GRIK2: variants seen among roughly 807,000 people sequenced by gnomAD.
GRIK2 encodes glutamate ionotropic receptor kainate type subunit 2.
Under a neutral mutation model 100.3 loss-of-function variants are expected in GRIK2, and 32 were observed. The ratio of observed to expected loss-of-function variants is 0.32; its 90% CI spans 0.24 to 0.43. The LOEUF is 0.43. Ranked by LOEUF, GRIK2 falls within the 20% of genes least tolerant of loss-of-function variation. GRIK2 has a pLI of 1.00. For missense variants in GRIK2, 843 were observed against 1,114.9 expected, an observed-to-expected ratio of 0.76 and a Z score of 3.47; for synonymous variants, 417 against 389.4, an observed-to-expected ratio of 1.07 and a Z score of -0.83.
intron 16 of GRIK2, among the ~76,000 whole-genome samples, chr6:102,063,155 C>A (rs947668329): frequency 3.3e-5 from 5 of 150,538 alleles, no homozygotes; most frequent in Non-Finnish European, 7.5e-5. Context: ...ACAATAGTAT[C>A]TTATAGATAC....
chr6:101,924,950 TC>T (rs1345222694), intron 13 of GRIK2, among the ~76,000 whole-genome samples: 1 of 152,192 alleles, frequency 6.6e-6, no homozygotes, highest in African/African-American at 2.4e-5. Flanking sequence ...TCTATTTTTT[TC>T]CTTAACCTAC....
chr6:101,620,470 A>T (rs1236265205), intron 2 of GRIK2, among the ~76,000 whole-genome samples: 1 of 152,044 alleles, frequency 6.6e-6, no homozygotes, highest in African/African-American at 2.4e-5. Flanking sequence ...CCTGAATGTA[A>T]ATTTGCCTCA....
At chr6:101,578,533 A>T (rs1295886737) in intron 2 of GRIK2, among the ~76,000 whole-genome samples, 2 of 152,148 alleles carry the variant, frequency 1.3e-5, no homozygotes, top group East Asian at 1.9e-4. Flanking sequence ...TTGAACAAGG[A>T]AATGGATGTT....
intron 8 of GRIK2, 72 bp downstream of exon 8, chr6:101,799,863 T>C: frequency 7.9e-7 from 1 of 1,259,924 alleles, no homozygotes; most frequent in Non-Finnish European, 1.1e-6. Context: ...TATTGTGGTT[T>C]TTCTAGCAAG....
chr6:101,854,964 C>G (rs975081396), intron 10 of GRIK2, among the ~76,000 whole-genome samples: 2 of 151,840 alleles, frequency 1.3e-5, no homozygotes, highest in African/African-American at 4.8e-5. Flanking sequence ...TTAGATAGAA[C>G]CAAAGGAAAG....
chr6:101,866,877 T>G (rs1345561521), intron 11 of GRIK2, among the ~76,000 whole-genome samples: 1 of 151,686 alleles, frequency 6.6e-6, no homozygotes, highest in Non-Finnish European at 1.5e-5. Context: ...TTTCCCCAGC[T>G]AAGACTTTAT....
intron 4 of GRIK2, among the ~76,000 whole-genome samples, chr6:101,669,551 T>C (rs1032314660): frequency 6.6e-6 from 1 of 152,130 alleles, no homozygotes. Context: ...TTTTCTGCAA[T>C]TGGCATTTTT....
chr6:101,421,946 G>T (rs1391877276), intron 2 of GRIK2, among the ~76,000 whole-genome samples: 1 of 152,200 alleles, frequency 6.6e-6, no homozygotes, highest in African/African-American at 2.4e-5. Flanking sequence ...TATTTAGGGA[G>T]AAGAAGAATG....
chr6:101,750,570 A>G (rs1003654621), intron 7 of GRIK2, among the ~76,000 whole-genome samples: 2 of 152,234 alleles, frequency 1.3e-5, no homozygotes, highest in African/African-American at 2.4e-5. Context: ...CAGCATGCCT[A>G]TTGCACATAT....
intron 10 of GRIK2, among the ~76,000 whole-genome samples, chr6:101,824,431 C>G (rs1396016388): frequency 6.6e-6 from 1 of 152,076 alleles, no homozygotes; most frequent in African/African-American, 2.4e-5. Context: ...TAATGGTCTC[C>G]AATTATTCAA....
At chr6:101,405,200 T>A (rs1457233844) in intron 2 of GRIK2, among the ~76,000 whole-genome samples, 1 of 152,176 alleles carries the variant, frequency 6.6e-6, no homozygotes, top group Non-Finnish European at 1.5e-5. Context: ...ATTGGGGAAT[T>A]AAAATTATCC....
chr6:101,501,518 G>A (rs1199943598), intron 2 of GRIK2, among the ~76,000 whole-genome samples: 1 of 152,062 alleles, frequency 6.6e-6, no homozygotes, highest in Non-Finnish European at 1.5e-5. Context: ...TCCACTCAAT[G>A]GCCACACTTC....
chr6:101,614,212 AT>A (rs1250293109), intron 2 of GRIK2, among the ~76,000 whole-genome samples: 1 of 151,786 alleles, frequency 6.6e-6, no homozygotes, highest in Non-Finnish European at 1.5e-5. Flanking sequence ...TTTAATGGTC[AT>A]TTTGAGAAGT....
intron 2 of GRIK2, among the ~76,000 whole-genome samples, chr6:101,502,321 A>G (rs1459551644): frequency 6.6e-6 from 1 of 152,158 alleles, no homozygotes; most frequent in African/African-American, 2.4e-5. Context: ...AAAAAGATAT[A>G]TATATACACA....
chr6:101,630,302 A>G (rs542784264), intron 4 of GRIK2, among the ~76,000 whole-genome samples: 2 of 152,232 alleles, frequency 1.3e-5, no homozygotes, highest in African/African-American at 4.8e-5. Flanking sequence ...TTCTTTCTAC[A>G]ATGGCTGAAC....
chr6:101,759,466 C>T (rs77868771), intron 7 of GRIK2, among the ~76,000 whole-genome samples: 7,416 of 152,184 alleles, frequency 0.049, 263 homozygotes, highest in Middle Eastern at 0.071. Flanking sequence ...TGTTTTAATA[C>T]ACATTGTATC....
chr6:101,484,574 T>A (rs909945075), intron 2 of GRIK2, among the ~76,000 whole-genome samples: 3 of 142,264 alleles, frequency 2.1e-5, no homozygotes, highest in Non-Finnish European at 4.8e-5. Flanking sequence ...CACACATATA[T>A]ATGGGATATG....
At chr6:101,607,890 G>A (rs1412465232) in intron 2 of GRIK2, among the ~76,000 whole-genome samples, 1 of 151,630 alleles carries the variant, frequency 6.6e-6, no homozygotes, top group Non-Finnish European at 1.5e-5. Flanking sequence ...AACTCACCTT[G>A]CAGAGGAACC....
At chr6:101,969,026 CTATA>C (rs1182086607) in intron 14 of GRIK2, among the ~76,000 whole-genome samples, 1 of 151,884 alleles carries the variant, frequency 6.6e-6, no homozygotes, top group Non-Finnish European at 1.5e-5. Context: ...AATCTTAACA[CTATA>C]TAAACATTTT....
Sources: allele counts gnomAD v4.1 joint callset (sites outside exome capture counted in the v4.1 genomes callset), GRCh38; gene constraint gnomAD v4.1.1; transcripts MANE v1.5; gene names NCBI Gene and HGNC (gene_info 2026-07-23, HGNC 2026-07-21).